ADD2: variants seen among roughly 807,000 people sequenced by gnomAD.
ADD2 encodes the protein beta-adducin.
A neutral mutation model predicts 83.0 loss-of-function variants in ADD2; 23 were observed. The observed-to-expected ratio is 0.28, with a 90% CI of 0.20 to 0.39. The LOEUF (loss-of-function observed/expected upper bound fraction) is 0.39, where lower values mean the gene tolerates loss of function less well. Among genes scored for constraint, ADD2 ranks in the 10% least tolerant of loss-of-function variants. The pLI is 1.00. For synonymous variants in ADD2, 375 were observed against 375.4 expected, an observed-to-expected ratio of 1.00 and a Z score of 0.01; for missense variants, 758 against 944.9, an observed-to-expected ratio of 0.80 and a Z score of 2.59.
In ADD2 at chr2:70,715,749, GCCTCCCCAGCCC is replaced by G. The variant is rs534636559; in HGVS notation, c.-153-2577_-153-2566del. Reference sequence around the variant, plus strand: ...TCACTCCTGCTCACCACACACCGCAGCCTCCCCAGCCCCCTCCTCTCTGCCCCCTACCAACCA... The same window carrying G: ...TCACTCCTGCTCACCACACACCGCAGCCTCCTCTCTGCCCCCTACCAACCA... On this transcript the variant is annotated intron_variant, in intron 1 of 15. Transcript: ENST00000264436. Among the ~76,000 whole-genome samples the G allele has an allele frequency of 3.6e-4, 55 of 152,164 alleles. No homozygotes were observed. In the South Asian group the frequency reaches 5.6e-3, roughly 16 times the overall value.
chr2:70,678,933 T>C lies in ADD2; in HGVS notation c.1154A>G (p.His385Arg). The C allele has an allele frequency of 6.2e-7, 1 of 1,613,676 alleles. No homozygotes were observed. The highest frequency in any genetic ancestry group is 8.5e-7 in the Non-Finnish European group (1 of 1,179,804). The change falls in exon 11 of 16, where the codon CAC becomes CGC. Residue 385 changes from histidine (H) to arginine (R), a missense_variant. By Grantham distance (29) the His-to-Arg change is conservative. Coordinates refer to ENST00000264436, the MANE Select transcript of ADD2 (RefSeq NM_001617.4). ...TTTGGTTTTCTCTTGAACAAAGGGGTGGCGATACGTGTAACCTGTTCTGTA... is the reference window on the plus strand; with the variant it reads ...TTTGGTTTTCTCTTGAACAAAGGGGCGGCGATACGTGTAACCTGTTCTGTA... ...LGYRTGYTYRHPFVQEKTKHK... is the reference protein window; with the variant it reads ...LGYRTGYTYRRPFVQEKTKHK...
chr2:70,686,576 T>C (rs1443215398), intron 9 of ADD2, among the ~76,000 whole-genome samples: 1 of 152,164 alleles, frequency 6.6e-6, no homozygotes, highest in East Asian at 1.9e-4. Context: ...GATGATGTTT[T>C]TACAGGAGAT....
In ADD2 at chr2:70,688,091, G is replaced by T; in HGVS notation, c.881C>A (p.Ala294Asp). Residue 294 changes from alanine (A) to aspartate (D), a missense_variant, in exon 9 of 16, where the codon GCT becomes GAT. Ala to Asp is a moderately radical substitution (Grantham distance 126). Around this residue, in one of 5 missense-constraint regions of ADD2, gnomAD observed 394 missense variants for 509.3 expected, o/e 0.77. Coordinates refer to ENST00000264436, the MANE Select transcript of ADD2 (RefSeq NM_001617.4). ...TGCCTCCTCTACCGTGTCACCCAGA[G>T]CAACCACTCCATGGTTTCTTAGCAC... is the stretch of plus-strand genomic sequence containing the variant. ...ILVLRNHGVV[A>D]LGDTVEEAFY... 1 of 1,614,156 alleles carries T rather than the reference G, an allele frequency of 6.2e-7. No individual in the cohort carries two copies. Among genetic ancestry groups the T allele is most frequent in the Non-Finnish European group, 8.5e-7 (1 of 1,179,980 alleles).
chr2:70,678,873 G>A lies in ADD2; in HGVS notation c.1214C>T (p.Thr405Ile), dbSNP rs1553368984. Residue 405 changes from threonine to isoleucine, a missense_variant, in exon 11 of 16, where the codon ACA becomes ATA. Coordinates refer to ENST00000264436, the MANE Select transcript of ADD2 (RefSeq NM_001617.4). ...ACCGTCCTCCTCAAACACGAAGGCT[G>A]TGACCGTGGCTGGAATCTCCACCTC... ...KSEVEIPATV[T>I]AFVFEEDGAP... 6.2e-7 allele frequency: 1 copy of A among 1,614,228 alleles called. No homozygotes were observed. Among genetic ancestry groups the A allele is most frequent in the East Asian group, 2.2e-5 (1 of 44,884 alleles).
intron 13 of ADD2, chr2:70,675,652 C>G: frequency 1.0e-6 from 1 of 985,454 alleles, no homozygotes; most frequent in Non-Finnish European, 1.2e-6. Flanking sequence ...GAGAGTGAAG[C>G]CAAAGGGAGG....
rs1293161240 is a variant in ADD2 at position 70,675,022 on chromosome 2, G to C, written c.1594-197C>G. The C allele has an allele frequency of 2.2e-5, 30 of 1,341,694 alleles. No individual in the cohort carries two copies. The African/African-American group carries it at 4.3e-4, about 19-fold the overall frequency. The allele number at this position is 1,341,694 out of a possible 1,614,324, so 83.1% of individuals were successfully genotyped here. A position where few individuals can be genotyped will look rare whatever the true frequency, so the allele number is the denominator to read the frequency against. On this transcript the variant is annotated intron_variant, in intron 13 of 15. Transcript: ENST00000264436. The stretch of plus-strand genomic sequence containing the variant: ...CATTGCTACCTTACCCCTAGATTTT[G>C]CAACTGGCTGGATGAATATAGGGGG...
chr2:70,709,751 C>G (rs926087239), intron 2 of ADD2, among the ~76,000 whole-genome samples: 14 of 152,186 alleles, frequency 9.2e-5, no homozygotes, highest in Non-Finnish European at 1.9e-4. Flanking sequence ...CCCCCAGAGC[C>G]TCTCCCACAA....
At chr2:70,701,663 G>A (rs1671589298) in intron 4 of ADD2, among the ~76,000 whole-genome samples, 2 of 151,946 alleles carry the variant, frequency 1.3e-5, no homozygotes, top group African/African-American at 4.8e-5. Flanking sequence ...AGTTCAATAA[G>A]GGGCTAGTGT....
intron 6 of ADD2, among the ~76,000 whole-genome samples, chr2:70,693,114 C>T (rs1359119925): frequency 2.6e-5 from 4 of 152,156 alleles, no homozygotes; most frequent in Admixed American, 6.5e-5. Flanking sequence ...TGCCCCTACT[C>T]CCCTGCCTCC....
At chr2:70,729,216 C>T (rs1673160793) in intron 1 of ADD2, among the ~76,000 whole-genome samples, 2 of 152,196 alleles carry the variant, frequency 1.3e-5, no homozygotes, top group Non-Finnish European at 2.9e-5. Flanking sequence ...CTCCGTGGCC[C>T]CAGCTTCTGC....
In ADD2 at chr2:70,661,217, G is replaced by A. The variant is rs1305813315; in HGVS notation, c.*2208C>T. ...CACAAAAGGCTGCATCAGAGGTCGT[G>A]TTCACCATTCTCACAACATCGTTTG... On this transcript the variant is annotated 3_prime_UTR_variant, in exon 16 of 16. Coordinates refer to ENST00000264436, the MANE Select transcript of ADD2 (RefSeq NM_001617.4). The A allele has an allele frequency of 1.3e-5, 2 of 152,182 alleles. No individual in the cohort carries two copies. Among genetic ancestry groups the A allele is most frequent in the African/African-American group, 4.8e-5 (2 of 41,434 alleles). The allele number at this position is 152,182 out of a possible 1,614,324, so 9.4% of individuals were successfully genotyped here.
intron 2 of ADD2, among the ~76,000 whole-genome samples, chr2:70,710,315 C>T (rs574925724): frequency 1.1e-4 from 17 of 152,372 alleles, no homozygotes; most frequent in African/African-American, 3.8e-4. Context: ...CTCTCCCCTT[C>T]CCCATGGAGT....
In ADD2 at chr2:70,676,675, A is replaced by T; in HGVS notation, c.1593+121T>A. The T allele has an allele frequency of 6.6e-7, 1 of 1,511,528 alleles. No homozygotes were observed. The highest frequency in any genetic ancestry group is 8.9e-7 in the Non-Finnish European group (1 of 1,122,534). The allele number at this position is 1,511,528 out of a possible 1,614,324, so 93.6% of individuals were successfully genotyped here. A position where few individuals can be genotyped will look rare whatever the true frequency, so the allele number is the denominator to read the frequency against. On this transcript the variant is annotated intron_variant, in intron 13 of 15. Coordinates refer to ENST00000264436, the MANE Select transcript of ADD2 (RefSeq NM_001617.4). This position sits in a 1 kb window ranked among gnomAD's most constrained non-coding sequence, Gnocchi z 4.8. ...TCCATTTTGCAGCAAGAGCACCGGC[A>T]CCCAAGATCACAGGGGAAGGTGGGT...
At chr2:70,704,263 T>TGCGCCCCCC in intron 4 of ADD2, 58 bp downstream of exon 4, 1 of 913,236 alleles carries the variant, frequency 1.1e-6, no homozygotes, top group Non-Finnish European at 1.7e-6. Flanking sequence ...CTCCCTCTCT[T>TGCGCCCCCC]CCCCACCCCA....
intron 13 of ADD2, chr2:70,675,358 A>AC: frequency 1.0e-5 from 10 of 986,108 alleles, no homozygotes; most frequent in Non-Finnish European, 1.2e-5. Context: ...TTTCACACAC[A>AC]GTTGTAAGTG....
intron 1 of ADD2, among the ~76,000 whole-genome samples, chr2:70,753,719 C>CATTCAGAAAAGAGGA (rs1674630717): frequency 6.6e-6 from 1 of 152,064 alleles, no homozygotes; most frequent in South Asian, 2.1e-4. Context: ...GGAGTGAATT[C>CATTCAGAAAAGAGGA]GTCATTCTGG....
At chr2:70,724,952 T>C (rs1394422293) in intron 1 of ADD2, among the ~76,000 whole-genome samples, 1 of 152,246 alleles carries the variant, frequency 6.6e-6, no homozygotes, top group East Asian at 1.9e-4. Flanking sequence ...ATCTCTCTCC[T>C]CTACTGCCTC....
intron 10 of ADD2, 35 bp from the exon 11 acceptor site, chr2:70,678,996 G>C (rs1192442310): frequency 6.4e-7 from 1 of 1,555,960 alleles, no homozygotes; most frequent in African/African-American, 1.4e-5. Flanking sequence ...CTTATGGGGT[G>C]AGAAAAAAGG....
chr2:70,726,186 C>CAAAAAA (rs34333514), intron 1 of ADD2, among the ~76,000 whole-genome samples: 1,309 of 45,426 alleles, frequency 0.029, 150 homozygotes, highest in Non-Finnish European at 0.037. Flanking sequence ...GACTCCATCT[C>CAAAAAA]AAAAAAAAAA....
Sources: allele counts gnomAD v4.1 joint callset (sites outside exome capture counted in the v4.1 genomes callset), GRCh38; gene constraint gnomAD v4.1.1; regional missense constraint gnomAD v4.1.1; non-coding constraint Gnocchi (gnomAD v3.1); transcripts MANE v1.5; gene names NCBI Gene and HGNC (gene_info 2026-07-23, HGNC 2026-07-21).